Variants in RRP12 observed in about 807,000 individuals in gnomAD.
RRP12 encodes the protein RRP12-like protein.
A neutral mutation model predicts 157.3 loss-of-function variants in RRP12; 78 were observed. The ratio of observed to expected loss-of-function variants is 0.50; its 90% CI spans 0.41 to 0.60. The LOEUF is 0.60. RRP12 is among the 20% of genes least tolerant of loss of function. The probability of loss-of-function intolerance (pLI) is 0.00; values close to 1 mark genes in which losing one functional copy is unlikely to be tolerated. For missense variants in RRP12, 1,521 were observed against 1,679.9 expected (o/e 0.91, Z 1.65); for synonymous variants, 726 against 670.9 (o/e 1.08, Z -1.27).
At chr10:97,363,584 G>T (rs374156587) in intron 30 of RRP12, among the ~76,000 whole-genome samples, 8 of 152,336 alleles carry the variant, frequency 5.3e-5, no homozygotes, top group African/African-American at 1.9e-4. Flanking sequence ...GGAGCACACA[G>T]GGAAGCTGCT....
At position 97,385,166 on chromosome 10, in the gene RRP12, C is replaced by T. The variant is rs778921154; in HGVS notation, c.1208G>A (p.Arg403Lys). 6.2e-7 allele frequency: 1 copy of T among 1,612,244 alleles called. No individual in the cohort carries two copies. Among genetic ancestry groups the T allele is most frequent in the Non-Finnish European group, 8.5e-7 (1 of 1,178,390 alleles). Residue 403 changes from arginine to lysine, a missense_variant and splice_region_variant, in exon 10 of 34, where the codon AGG becomes AAG. Arg to Lys is a conservative substitution (Grantham distance 26). Transcript: ENST00000370992. ...VMEKAHINLV[R>K]LQWDLGLGHL... ...CTAAGCACCCCTCCTTCATCCGTACCTCACCAGGTTGATGTGGGCTTTCTC... is the reference window on the plus strand; with the variant it reads ...CTAAGCACCCCTCCTTCATCCGTACTTCACCAGGTTGATGTGGGCTTTCTC...
intron 3 of RRP12, among the ~76,000 whole-genome samples, chr10:97,395,793 A>G (rs1395970963): frequency 6.6e-6 from 1 of 151,386 alleles, no homozygotes; most frequent in Admixed American, 6.6e-5. Flanking sequence ...AGAGGTTGCA[A>G]TAAGTTGAGA....
chr10:97,357,115 G>C lies in RRP12; in HGVS notation c.3873C>G (p.Arg1291=). Reference sequence around the variant, plus strand: ...GGCCTCAGGGTCGACGATCCTTTCTGCGGTTTTTGTGTCCCACCTGGGAAC... The same window carrying C: ...GGCCTCAGGGTCGACGATCCTTTCTCCGGTTTTTGTGTCCCACCTGGGAAC... ...RRGSQVGHKN[R]RKDRRP is the part of the protein sequence containing the mutation. Residue 1291 remains arginine (R), a synonymous_variant, in exon 34 of 34, where the codon CGC becomes CGG. Transcript: ENST00000370992. The C allele has an allele frequency of 6.2e-7, 1 of 1,612,534 alleles. No homozygotes were observed. Among genetic ancestry groups the C allele is most frequent in the Non-Finnish European group, 8.5e-7 (1 of 1,178,698 alleles).
At chr10:97,358,652 G>A in intron 32 of RRP12, 33 bp from the exon 33 acceptor site, 1 of 1,548,430 alleles carries the variant, frequency 6.5e-7, no homozygotes, top group Non-Finnish European at 8.9e-7. Context: ...TCAGCTAGGA[G>A]GGTGGGGTTC....
intron 19 of RRP12, among the ~76,000 whole-genome samples, chr10:97,372,472 CCAAGGTCACACAG>C (rs1036483053): frequency 6.6e-6 from 1 of 152,148 alleles, no homozygotes; most frequent in African/African-American, 2.4e-5. Flanking sequence ...AGTAATTTGT[CCAAGGTCACACAG>C]CCCATGAGTG....
At chr10:97,376,103 A>AAAAC (rs111643590) in intron 15 of RRP12, among the ~76,000 whole-genome samples, 13 of 150,718 alleles carry the variant, frequency 8.6e-5, no homozygotes, top group Non-Finnish European at 1.6e-4. Context: ...ACTCTGTCTC[A>AAAAC]AAACAAACAA....
intron 9 of RRP12, 68 bp downstream of exon 9, chr10:97,385,827 C>T (rs1288146310): frequency 2.0e-5 from 23 of 1,167,396 alleles, no homozygotes; most frequent in Middle Eastern, 2.5e-4. Context: ...AGGGCCAGTG[C>T]CCCCAGCACA....
At chr10:97,365,862 C>G in intron 29 of RRP12, 1 of 517,260 alleles carries the variant, frequency 1.9e-6, no homozygotes, top group East Asian at 3.6e-5. Context: ...GTATCACACA[C>G]AGTAAGGGGA....
Position 97,366,775 on chromosome 10 carries a change from T to C in RRP12, c.3182A>G (p.Glu1061Gly), listed in dbSNP as rs1404842277. The change falls in exon 27 of 34, where the codon GAG becomes GGG. Residue 1061 changes from glutamate (E) to glycine (G), a missense_variant. Physicochemically the swap from Glu to Gly is moderately conservative, Grantham distance 98 (BLOSUM62 -2). Transcript: ENST00000370992. The part of the protein sequence containing the change: ...AAVEEEEEEE[E>G]EEEPAQGKGD... ...TTTGCCCTGGGCGGGCTCCTCCTCC[T>C]CCTCCTCCTCTTCTTCCTCCTCCAC... 1.2e-6 allele frequency: 2 copies of C among 1,613,984 alleles called. No homozygotes were observed. Among genetic ancestry groups the C allele is most frequent in the Admixed American group, 3.3e-5 (2 of 60,000 alleles).
intron 3 of RRP12, among the ~76,000 whole-genome samples, chr10:97,394,430 C>A (rs1443582047): frequency 6.6e-6 from 1 of 152,156 alleles, no homozygotes; most frequent in Admixed American, 6.6e-5. Context: ...GACAGGGTCT[C>A]CCAGGTTGGA....
In RRP12 at chr10:97,369,474, G is replaced by C. The variant is rs752662207; in HGVS notation, c.2906C>G (p.Ala969Gly). The C allele has an allele frequency of 6.2e-6, 10 of 1,611,760 alleles. No homozygotes were observed. The highest frequency in any genetic ancestry group is 8.5e-6 in the Non-Finnish European group (10 of 1,179,044). The change falls in exon 25 of 34, where the codon GCA becomes GGA. Residue 969 changes from alanine (A) to glycine (G), a missense_variant. By Grantham distance (60) the Ala-to-Gly change is moderately conservative. Coordinates refer to ENST00000370992, the MANE Select transcript of RRP12 (RefSeq NM_015179.4). ...GTGCGCCACGTCCATGACAGTCACTGCCACCTTGATGAAGCCCAGTGCAGA... is the reference window on the plus strand; with the variant it reads ...GTGCGCCACGTCCATGACAGTCACTCCCACCTTGATGAAGCCCAGTGCAGA... ...VKSALGFIKV[A>G]VTVMDVAHLA...
intron 6 of RRP12, among the ~76,000 whole-genome samples, chr10:97,389,219 G>A (rs569465903): frequency 2.0e-5 from 3 of 152,112 alleles, no homozygotes; most frequent in South Asian, 2.1e-4. Flanking sequence ...TCCGCCTCCC[G>A]AGCAGCTGGG....
At position 97,388,378 on chromosome 10, in the gene RRP12, G is replaced by A; in HGVS notation, c.891C>T (p.Gly297=). 1.2e-6 allele frequency: 2 copies of A among 1,613,846 alleles called. No homozygotes were observed. Among genetic ancestry groups the A allele is most frequent in the Non-Finnish European group, 8.5e-7 (1 of 1,179,988 alleles). The part of the protein sequence containing the change: ...FCIQEIEKSG[G]SKEATTTLHM... ...GCAGCGTGGTGGTGGCCTCCTTGGA[G>A]CCTGGTATACAGAAGAGGAATTGAG... The change falls in exon 8 of 34, where the codon GGC becomes GGT. Residue 297 remains glycine, a splice_region_variant and synonymous_variant. Transcript: ENST00000370992.
intron 25 of RRP12, among the ~76,000 whole-genome samples, chr10:97,367,921 A>T (rs1403908063): frequency 6.6e-6 from 1 of 151,896 alleles, no homozygotes; most frequent in Non-Finnish European, 1.5e-5. Context: ...TAGTACAGAC[A>T]GGGTTTTACC....
intron 8 of RRP12, among the ~76,000 whole-genome samples, chr10:97,386,959 C>T (rs1000348273): frequency 6.6e-6 from 1 of 151,564 alleles, no homozygotes; most frequent in Non-Finnish European, 1.5e-5. Flanking sequence ...CACTGCACTC[C>T]AGCCTGGGTG....
chr10:97,398,037 G>GTTTT (rs1845029830), intron 2 of RRP12, among the ~76,000 whole-genome samples: 1 of 36,576 alleles, frequency 2.7e-5, no homozygotes, highest in African/African-American at 1.3e-4. Flanking sequence ...ATATATATAC[G>GTTTT]TATTTTTTTT....
chr10:97,381,006 G>T, intron 12 of RRP12, 93 bp from the exon 13 acceptor site: 1 of 998,570 alleles, frequency 1.0e-6, no homozygotes, highest in East Asian at 2.5e-5. Flanking sequence ...AGCTACAGAC[G>T]CTAGCTGGCC....
intron 12 of RRP12, 42 bp from the exon 13 acceptor site, chr10:97,380,955 CCT>C: frequency 6.8e-7 from 1 of 1,464,728 alleles, no homozygotes; most frequent in South Asian, 1.1e-5. Flanking sequence ...GTCACACCAC[CCT>C]GTGCCCCCCA....
At chr10:97,391,829 G>A (rs1006049374) in intron 4 of RRP12, among the ~76,000 whole-genome samples, 6 of 151,998 alleles carry the variant, frequency 3.9e-5, no homozygotes, top group South Asian at 2.1e-4. Flanking sequence ...GCTGAGGCAC[G>A]AGAACGGTGT....
Sources: allele counts gnomAD v4.1 joint callset (sites outside exome capture counted in the v4.1 genomes callset), GRCh38; gene constraint gnomAD v4.1.1; transcripts MANE v1.5; gene names NCBI Gene and HGNC (gene_info 2026-07-23, HGNC 2026-07-21).